Variants in SLC16A10 observed in about 807,000 individuals in gnomAD.
SLC16A10 encodes the protein monocarboxylate transporter 10.
A neutral mutation model predicts 40.0 loss-of-function variants in SLC16A10; 27 were observed. The observed-to-expected ratio is 0.67, with a 90% confidence interval of 0.50 to 0.93. The LOEUF (loss-of-function observed/expected upper bound fraction) is 0.93. Ranked by LOEUF, SLC16A10 falls within the 40% of genes least tolerant of loss-of-function variation. SLC16A10 has a pLI of 0.00. For synonymous variants in SLC16A10, 213 were observed against 249.8 expected, an observed-to-expected ratio of 0.85 and a Z score of 1.39; for missense variants, 529 against 658.2, an observed-to-expected ratio of 0.80 and a Z score of 2.15.
intron 1 of SLC16A10, among the ~76,000 whole-genome samples, chr6:111,131,823 C>G (rs1455389701): frequency 6.6e-6 from 1 of 152,212 alleles, no homozygotes; most frequent in Non-Finnish European, 1.5e-5. Context: ...CCAGAAGTCT[C>G]TACTCAACAG....
At chr6:111,196,227 C>G (rs545792340) in intron 3 of SLC16A10, among the ~76,000 whole-genome samples, 1 of 152,106 alleles carries the variant, frequency 6.6e-6, no homozygotes, top group Non-Finnish European at 1.5e-5. Context: ...GTCCCAGCTA[C>G]TCAGGAGGCT....
chr6:111,218,986 T>A lies in SLC16A10; in HGVS notation c.1259T>A (p.Ile420Asn). 6.2e-7 allele frequency: 1 copy of A among 1,614,148 alleles called. No homozygotes were observed. Among genetic ancestry groups the A allele is most frequent in the Non-Finnish European group, 8.5e-7 (1 of 1,180,034 alleles). ...GGTGCCCAGGATGTCTCCCAAGCAA[T>A]TGGATTTCTGCTCGGATTCATGTCT... ...LVGAQDVSQAIGFLLGFMSIP... is the reference protein window; with the variant it reads ...LVGAQDVSQANGFLLGFMSIP... Residue 420 changes from isoleucine (I) to asparagine (N), a missense_variant, in exon 5 of 6, where the codon ATT (isoleucine) becomes AAT (asparagine). Ile to Asn is a moderately radical substitution (Grantham distance 149, BLOSUM62 -3). Coordinates refer to ENST00000368851, the MANE Select transcript of SLC16A10 (RefSeq NM_018593.5).
chr6:111,148,700 A>G (rs1386278642), intron 1 of SLC16A10, among the ~76,000 whole-genome samples: 1 of 152,250 alleles, frequency 6.6e-6, no homozygotes, highest in African/African-American at 2.4e-5. Context: ...ACAGTGAACA[A>G]TGTATGCTCT....
At chr6:111,160,153 A>C (rs2114526031) in intron 1 of SLC16A10, among the ~76,000 whole-genome samples, 1 of 152,268 alleles carries the variant, frequency 6.6e-6, no homozygotes, top group African/African-American at 2.4e-5. Context: ...ATTTTCTTGT[A>C]CTGATTTCTT....
At chr6:111,204,780 T>A (rs1329818295) in intron 3 of SLC16A10, among the ~76,000 whole-genome samples, 1 of 152,194 alleles carries the variant, frequency 6.6e-6, no homozygotes. Context: ...TTCTGACTTT[T>A]CTTTTAAACT....
chr6:111,179,930 G>A lies in SLC16A10; in HGVS notation c.942+2265G>A, dbSNP rs151189107. 5.2e-3 allele frequency among the ~76,000 whole-genome samples: 787 copies of A among 152,302 alleles called. 6 individuals carry two copies. The highest frequency in any genetic ancestry group is 8.7e-3 in the Non-Finnish European group (595 of 68,022). On this transcript the variant is annotated intron_variant, in intron 3 of 5. Coordinates refer to ENST00000368851, the MANE Select transcript of SLC16A10 (RefSeq NM_018593.5). Reference sequence around the variant, plus strand: ...GTCACTTTGTTGTAATTTAAGGTTTGAATTATGGATACTTAACCAGGAATG... The same window carrying A: ...GTCACTTTGTTGTAATTTAAGGTTTAAATTATGGATACTTAACCAGGAATG...
intron 2 of SLC16A10, among the ~76,000 whole-genome samples, chr6:111,175,705 A>ATT (rs35809166): frequency 1.3e-3 from 183 of 144,806 alleles, no homozygotes; most frequent in Middle Eastern, 7.1e-3. Context: ...GCAGAACCAC[A>ATT]TTTTTTTTTT....
chr6:111,193,101 C>T (rs1773023725), intron 3 of SLC16A10, among the ~76,000 whole-genome samples: 1 of 152,228 alleles, frequency 6.6e-6, no homozygotes, highest in South Asian at 2.1e-4. Flanking sequence ...CATCCTCCCA[C>T]ATGGCCTCCC....
At chr6:111,117,399 G>C (rs1161521703) in intron 1 of SLC16A10, among the ~76,000 whole-genome samples, 1 of 148,964 alleles carries the variant, frequency 6.7e-6, no homozygotes, top group African/African-American at 2.5e-5. Context: ...AAGCCAATGT[G>C]CACGTTTATT....
At position 111,212,008 on chromosome 6, in the gene SLC16A10, C is replaced by T. The variant is rs532549318; in HGVS notation, c.1086+5273C>T. Among the ~76,000 whole-genome samples the T allele has an allele frequency of 3.9e-5, 6 of 152,316 alleles. No individual in the cohort carries two copies. In the South Asian group the frequency reaches 1.2e-3, roughly 32 times the overall value. ...TTCTTGGGGCTGTGACAACTCTTCCCTCTTTGTCCCCTGGAAGCCAGTTCT... is the reference window on the plus strand; with the variant it reads ...TTCTTGGGGCTGTGACAACTCTTCCTTCTTTGTCCCCTGGAAGCCAGTTCT... On this transcript the variant is annotated intron_variant, in intron 4 of 5. Coordinates refer to ENST00000368851, the MANE Select transcript of SLC16A10 (RefSeq NM_018593.5).
chr6:111,199,211 G>A (rs2114575548), intron 3 of SLC16A10, among the ~76,000 whole-genome samples: 1 of 152,306 alleles, frequency 6.6e-6, no homozygotes, highest in Middle Eastern at 3.4e-3. Context: ...AGTAGTCCCA[G>A]CGCTTTGGGA....
chr6:111,143,404 A>G (rs1772019779), intron 1 of SLC16A10, among the ~76,000 whole-genome samples: 1 of 151,936 alleles, frequency 6.6e-6, no homozygotes, highest in South Asian at 2.1e-4. Flanking sequence ...TCTTCTAGAG[A>G]CAAGGCCTTG....
chr6:111,193,622 AG>A (rs1169122369), intron 3 of SLC16A10, among the ~76,000 whole-genome samples: 2 of 152,218 alleles, frequency 1.3e-5, no homozygotes, highest in African/African-American at 4.8e-5. Context: ...AGGTAGACCA[AG>A]TTTGTCCTGT....
chr6:111,191,525 GTATA>G (rs1197889604), intron 3 of SLC16A10, among the ~76,000 whole-genome samples: 2 of 152,170 alleles, frequency 1.3e-5, no homozygotes, highest in Non-Finnish European at 2.9e-5. Context: ...AATCCTTTGG[GTATA>G]TAACCAGTAA....
intron 1 of SLC16A10, among the ~76,000 whole-genome samples, chr6:111,138,681 C>T (rs1476985319): frequency 1.3e-5 from 2 of 151,770 alleles, no homozygotes. Flanking sequence ...CAGGGTCTTG[C>T]TTGAATCTTG....
At chr6:111,203,089 A>G (rs1041211390) in intron 3 of SLC16A10, among the ~76,000 whole-genome samples, 1 of 152,178 alleles carries the variant, frequency 6.6e-6, no homozygotes, top group Admixed American at 6.5e-5. Flanking sequence ...CATCTCTTCA[A>G]CATTTTCATA....
At chr6:111,168,169 G>A (rs1008841329) in intron 1 of SLC16A10, among the ~76,000 whole-genome samples, 11 of 152,046 alleles carry the variant, frequency 7.2e-5, no homozygotes, top group Non-Finnish European at 1.3e-4. Flanking sequence ...TAGTAGAGAT[G>A]GGGTTTCGCC....
chr6:111,095,024 A>G (rs988597547), intron 1 of SLC16A10, among the ~76,000 whole-genome samples: 2 of 152,186 alleles, frequency 1.3e-5, no homozygotes, highest in African/African-American at 4.8e-5. Context: ...TGATTTTTCT[A>G]AAAGATTGGA....
chr6:111,212,345 C>T (rs972695653), intron 4 of SLC16A10, among the ~76,000 whole-genome samples: 3 of 152,282 alleles, frequency 2.0e-5, no homozygotes, highest in Admixed American at 6.5e-5. Context: ...TGGAATAGGT[C>T]TCAAGAAAGG....
Sources: gnomAD v4.1 joint callset for allele counts (sites outside exome capture counted in the v4.1 genomes callset) on GRCh38, gnomAD v4.1.1 for gene constraint, MANE v1.5 for transcripts, NCBI Gene and HGNC (gene_info 2026-07-23, HGNC 2026-07-21) for gene names.